ABHD5: variants seen among roughly 807,000 people sequenced by gnomAD.
ABHD5 encodes 1-acylglycerol-3-phosphate O-acyltransferase ABHD5.
A neutral mutation model predicts 44.9 loss-of-function variants in ABHD5; 30 were observed. The ratio of observed to expected loss-of-function variants is 0.67; its 90% CI spans 0.50 to 0.91. The LOEUF is 0.91. Among genes scored for constraint, ABHD5 ranks in the 40% least tolerant of loss-of-function variants. The pLI, the probability that ABHD5 is intolerant of heterozygous loss-of-function variation, is 0.00. For synonymous variants in ABHD5, 167 were observed against 147.0 expected (o/e 1.14, Z -0.99); for missense variants, 399 against 423.4 (o/e 0.94, Z 0.50).
chr3:43,699,985 C>A (rs749587433), intron 2 of ABHD5, among the ~76,000 whole-genome samples: 1 of 152,230 alleles, frequency 6.6e-6, no homozygotes, highest in African/African-American at 2.4e-5. Flanking sequence ...GGACACCCCC[C>A]CTGACTCTGC....
rs537653983 is a variant in ABHD5 at position 43,698,166 on chromosome 3, G to A, written c.48-1110G>A. Among the ~76,000 whole-genome samples the A allele has an allele frequency of 2.0e-4, 31 of 152,290 alleles. No individual in the cohort carries two copies. The South Asian group carries it at 6.2e-3, about 31-fold the overall frequency. ...ACCTATTCTTACTCTTGTGTTGTCT[G>A]TCATTATAGTGGTAACCTAAGAGAG... On this transcript the variant is annotated intron_variant, in intron 1 of 6. Transcript: ENST00000644371.
intron 1 of ABHD5, 190 bp downstream of exon 1, chr3:43,691,229 G>C (rs1419713089): frequency 2.7e-5 from 13 of 478,356 alleles, no homozygotes; most frequent in Non-Finnish European, 4.4e-5. Flanking sequence ...CCTGGGAGAG[G>C]CTCCCCTCAG....
intron 3 of ABHD5, among the ~76,000 whole-genome samples, chr3:43,711,119 T>C (rs957436677): frequency 6.6e-6 from 1 of 152,246 alleles, no homozygotes; most frequent in African/African-American, 2.4e-5. Flanking sequence ...TCAACAATTC[T>C]AGAATCCTGA....
chr3:43,725,413 T>G (rs2084870929), downstream of ABHD5, among the ~76,000 whole-genome samples: 1 of 152,266 alleles, frequency 6.6e-6, no homozygotes, highest in Non-Finnish European at 1.5e-5. Flanking sequence ...GTAGCCTGGC[T>G]TAATTAGATT....
At chr3:43,700,740 A>ATTTTTTTTTTTTTTTTTTTTTTTTTT (rs1361660825) in intron 2 of ABHD5, among the ~76,000 whole-genome samples, 7 of 151,252 alleles carry the variant, frequency 4.6e-5, no homozygotes, top group South Asian at 2.1e-4. Context: ...TACCCAGCTA[A>ATTTTTTTTTTTTTTTTTTTTTTTTTT]TTTTTGTATT....
At chr3:43,699,533 G>A in intron 2 of ABHD5, 172 bp downstream of exon 2, 2 of 677,266 alleles carry the variant, frequency 3.0e-6, no homozygotes, top group South Asian at 1.8e-5. Flanking sequence ...GGGGCTGGCA[G>A]GTAGGAGTTC....
chr3:43,714,807 A>T, intron 4 of ABHD5, 140 bp from the exon 5 acceptor site: 1 of 589,432 alleles, frequency 1.7e-6, no homozygotes, highest in Non-Finnish European at 3.1e-6. Context: ...TTTCCCACCT[A>T]CAATATATAT....
At position 43,713,720 on chromosome 3, in the gene ABHD5, G is replaced by T. The variant is rs1427485934; in HGVS notation, c.662-1227G>T. Among the ~76,000 whole-genome samples, 4 of 152,246 alleles carry T rather than the reference G, an allele frequency of 2.6e-5. No individual in the cohort carries two copies. The East Asian group carries it at 7.7e-4, about 29-fold the overall frequency. On this transcript the variant is annotated intron_variant, in intron 4 of 6. Transcript: ENST00000644371. ...TCTTTATAGTCCTGAAATATAAATA[G>T]ATTTTACTAGAACACAGGTACAAAA... is the stretch of plus-strand genomic sequence containing the variant.
At chr3:43,692,678 C>G (rs934528138) in intron 1 of ABHD5, among the ~76,000 whole-genome samples, 2 of 152,168 alleles carry the variant, frequency 1.3e-5, no homozygotes, top group Admixed American at 1.3e-4. Context: ...TATTATTGTT[C>G]CCATTTTGCA....
chr3:43,715,577 A>G (rs2084753732), intron 5 of ABHD5, among the ~76,000 whole-genome samples: 1 of 152,182 alleles, frequency 6.6e-6, no homozygotes, highest in Non-Finnish European at 1.5e-5. Flanking sequence ...TAGAGTACCC[A>G]CTGTATAAAA....
intron 5 of ABHD5, among the ~76,000 whole-genome samples, chr3:43,717,262 G>A (rs1173659326): frequency 2.0e-5 from 3 of 152,200 alleles, no homozygotes; most frequent in East Asian, 3.9e-4. Context: ...AGAATATATT[G>A]TCTGAGTTTC....
rs68058215 is a variant in ABHD5, at chr3:43,730,499, C to CT, written c.*30-3357dup. Among the ~76,000 whole-genome samples the CT allele has an allele frequency of 5.8e-3, 399 of 68,720 alleles. 1 individual carries two copies. Among genetic ancestry groups the CT allele is most frequent in the Middle Eastern group, 8.8e-3 (1 of 114 alleles). 45.1% of individuals were successfully genotyped at this position (68,720 alleles called of 152,430 possible). A position where few individuals can be genotyped will look rare whatever the true frequency, so the allele number is the denominator to read the frequency against. On this transcript the variant is annotated intron_variant, in intron 7 of 7. Coordinates refer to the ABHD5 transcript ENST00000454293. Reference sequence around the variant, plus strand: ...TTTAATGGAGAATAGAAAATAATCCCTTTTTTTTTTTTTTTTTTTTTTTTG... The same window carrying CT: ...TTTAATGGAGAATAGAAAATAATCCCTTTTTTTTTTTTTTTTTTTTTTTTTG...
At position 43,720,615 on chromosome 3, in the gene ABHD5, A is replaced by T. The variant is rs898950828; in HGVS notation, c.*2083A>T. The T allele has an allele frequency of 1.3e-5, 2 of 152,212 alleles. No individual in the cohort carries two copies. The highest frequency in any genetic ancestry group is 2.9e-5 in the Non-Finnish European group (2 of 68,032). The allele number at this position is 152,212 out of a possible 1,614,324, so 9.4% of individuals were successfully genotyped here. On this transcript the variant is annotated 3_prime_UTR_variant, in exon 7 of 7. Coordinates refer to ENST00000644371, the MANE Select transcript of ABHD5 (RefSeq NM_016006.6). ...TATAGTGGGTGCTAAATGTTTTCTTAAAAATCTAGTACAGCATTTGATCTT... is the reference window on the plus strand; with the variant it reads ...TATAGTGGGTGCTAAATGTTTTCTTTAAAATCTAGTACAGCATTTGATCTT...
At chr3:43,729,059 T>TA (rs1411924029) in intron 7 of ABHD5, among the ~76,000 whole-genome samples, 1 of 152,198 alleles carries the variant, frequency 6.6e-6, no homozygotes, top group Non-Finnish European at 1.5e-5. Flanking sequence ...TATGAGCTTT[T>TA]AAAGTTTTTG....
chr3:43,718,575 T>A lies in ABHD5; in HGVS notation c.*43T>A, dbSNP rs772768428. The A allele has an allele frequency of 5.4e-5, 85 of 1,559,730 alleles. No individual in the cohort carries two copies. The East Asian group carries it at 1.8e-3, about 33-fold the overall frequency. On this transcript the variant is annotated 3_prime_UTR_variant, in exon 7 of 7. Coordinates refer to ENST00000644371, the MANE Select transcript of ABHD5 (RefSeq NM_016006.6). ...TGGGAAAACCTGGTGACTGATATAG[T>A]TGTTCAGCAATAATTCATAGTCTGT...
chr3:43,730,661 AC>A (rs1447797963), intron 7 of ABHD5, among the ~76,000 whole-genome samples: 5 of 151,926 alleles, frequency 3.3e-5, no homozygotes, highest in Non-Finnish European at 7.4e-5. Context: ...ACATGTCACC[AC>A]ATCTGGCTAA....
At chr3:43,713,186 C>T (rs2084710145) in intron 4 of ABHD5, among the ~76,000 whole-genome samples, 3 of 151,800 alleles carry the variant, frequency 2.0e-5, no homozygotes, top group South Asian at 2.1e-4. Flanking sequence ...GGCATAGTGG[C>T]ACACACCTGT....
intron 7 of ABHD5, among the ~76,000 whole-genome samples, chr3:43,730,180 G>A (rs536017440): frequency 4.6e-4 from 70 of 152,350 alleles, no homozygotes; most frequent in African/African-American, 1.6e-3. Flanking sequence ...GGAACCGAAG[G>A]CTCAGTTAAC....
rs2084843969 is a variant in ABHD5, at chr3:43,722,156, A to G, written c.*3624A>G. 3.9e-5 allele frequency: 6 copies of G among 152,266 alleles called. No homozygotes were observed. The South Asian group carries it at 1.2e-3, about 31-fold the overall frequency. The allele number at this position is 152,266 out of a possible 1,614,324, so 9.4% of individuals were successfully genotyped here. On this transcript the variant is annotated 3_prime_UTR_variant, in exon 7 of 7. Transcript: ENST00000644371. Reference sequence around the variant, plus strand: ...GATCTTGATTACAGCACTGTTTCTAATAGCTACAGACTGGAAGCCAGCCAA... The same window carrying G: ...GATCTTGATTACAGCACTGTTTCTAGTAGCTACAGACTGGAAGCCAGCCAA...
Sources: allele counts gnomAD v4.1 joint callset (sites outside exome capture counted in the v4.1 genomes callset), GRCh38; gene constraint gnomAD v4.1.1; transcripts MANE v1.5; gene names NCBI Gene and HGNC (gene_info 2026-07-23, HGNC 2026-07-21).